The following NPAS3 variants were observed in gnomAD, a reference collection of about 807,000 sequenced individuals.
The protein encoded by NPAS3 is neuronal PAS domain-containing protein 3.
A neutral mutation model predicts 73.1 loss-of-function variants in NPAS3; 14 were observed. The observed-to-expected ratio is 0.19, with a 90% confidence interval of 0.13 to 0.30. The LOEUF is 0.30. Among genes scored for constraint, NPAS3 ranks in the 10% least tolerant of loss-of-function variants. The pLI is 1.00. For missense variants in NPAS3, 1,096 were observed against 1,250.0 expected, an observed-to-expected ratio of 0.88 and a Z score of 1.86; for synonymous variants, 620 against 541.5, an observed-to-expected ratio of 1.14 and a Z score of -2.01.
chr14:33,343,156 A>G (rs2044565061), intron 3 of NPAS3, among the ~76,000 whole-genome samples: 1 of 152,158 alleles, frequency 6.6e-6, no homozygotes, highest in African/African-American at 2.4e-5. Flanking sequence ...TTGCTCAGTA[A>G]TTGAATCCAC....
In NPAS3 at chr14:32,971,088, CT is replaced by C. The variant is rs61429455; in HGVS notation, c.50+31736del. Among the ~76,000 whole-genome samples the C allele has an allele frequency of 3.2e-3, 454 of 142,084 alleles. 1 individual carries two copies. The highest frequency in any genetic ancestry group is 4.6e-3 in the Non-Finnish European group (305 of 65,718). 93.2% of individuals were successfully genotyped at this position (142,084 alleles called of 152,430 possible). On this transcript the variant is annotated intron_variant, in intron 1 of 11. Transcript: ENST00000356141. ...AATGATTTCTGTGTCTTTCTTTTTT[CT>C]TTTTTTTTTTTTTGAGACAGGGTCT...
chr14:33,124,732 TTAAA>T (rs1293612807), intron 2 of NPAS3, among the ~76,000 whole-genome samples: 1 of 152,106 alleles, frequency 6.6e-6, no homozygotes, highest in Non-Finnish European at 1.5e-5. Context: ...AGCAGAATAT[TTAAA>T]TAAGAGGGCA....
At chr14:33,458,193 C>T (rs550326865) in intron 4 of NPAS3, among the ~76,000 whole-genome samples, 183 of 152,284 alleles carry the variant, frequency 1.2e-3, no homozygotes, top group African/African-American at 3.9e-3. Context: ...TCAAAGTATT[C>T]TTTTGTTTTT....
At chr14:33,559,343 G>A (rs764845741) in intron 4 of NPAS3, among the ~76,000 whole-genome samples, 45 of 152,338 alleles carry the variant, frequency 3.0e-4, no homozygotes, top group Non-Finnish European at 4.9e-4. Flanking sequence ...TGGGAGTAAA[G>A]AAGGCATAAT....
At chr14:33,407,912 A>G (rs1048014476) in intron 4 of NPAS3, among the ~76,000 whole-genome samples, 1 of 152,208 alleles carries the variant, frequency 6.6e-6, no homozygotes, top group African/African-American at 2.4e-5. Context: ...ATAGCCTCCA[A>G]TAATTCTCTC....
At chr14:33,640,101 C>T (rs1042189978) in intron 5 of NPAS3, among the ~76,000 whole-genome samples, 1 of 151,926 alleles carries the variant, frequency 6.6e-6, no homozygotes, top group Non-Finnish European at 1.5e-5. Context: ...TCCGTAATCC[C>T]AGCTACTCAG....
chr14:33,212,463 G>A (rs527976156), intron 2 of NPAS3, among the ~76,000 whole-genome samples: 4 of 13,512 alleles, frequency 3.0e-4, no homozygotes, highest in Non-Finnish European at 9.4e-4. Flanking sequence ...CAAGGAGGTA[G>A]GATAAAAAAA....
At chr14:33,454,713 A>C (rs1292445551) in intron 4 of NPAS3, among the ~76,000 whole-genome samples, 2 of 152,150 alleles carry the variant, frequency 1.3e-5, no homozygotes, top group African/African-American at 2.4e-5. Context: ...TTCGGGAAAT[A>C]AACCGGGGAG....
rs577465411 is a variant in NPAS3, at chr14:32,989,325, T to G, written c.50+49959T>G. Among the ~76,000 whole-genome samples the G allele has an allele frequency of 1.9e-3, 290 of 152,134 alleles. 1 individual carries two copies. The highest frequency in any genetic ancestry group is 0.014 in the South Asian group (69 of 4,812). ...AGGTAGTCCTATACAGGAAATGAGG[T>G]TGAAAAGCTATATTTTGAGAAGTTA... On this transcript the variant is annotated intron_variant, in intron 1 of 11. Coordinates refer to ENST00000356141, the Ensembl canonical transcript of NPAS3.
At chr14:32,996,414 A>G (rs532578571) in intron 1 of NPAS3, among the ~76,000 whole-genome samples, 54 of 152,334 alleles carry the variant, frequency 3.5e-4, no homozygotes, top group Middle Eastern at 3.4e-3. Context: ...GTTAATCCCA[A>G]GACAATGGGG....
rs2056867716 is a variant in NPAS3, at chr14:33,586,526, G to A, written c.558+26316G>A. Among the ~76,000 whole-genome samples, 5 of 152,098 alleles carry A rather than the reference G, an allele frequency of 3.3e-5. No individual in the cohort carries two copies. In the South Asian group the frequency reaches 1.0e-3, roughly 32 times the overall value. Reference sequence around the variant, plus strand: ...ACATAATAGTATAAATTTCTAATTAGTTACATGTAAATGCAATTTTAATAA... The same window carrying A: ...ACATAATAGTATAAATTTCTAATTAATTACATGTAAATGCAATTTTAATAA... On this transcript the variant is annotated intron_variant, in intron 5 of 11. Transcript: ENST00000356141.
intron 5 of NPAS3, among the ~76,000 whole-genome samples, chr14:33,657,566 G>T (rs942866747): frequency 6.6e-6 from 1 of 152,078 alleles, no homozygotes; most frequent in African/African-American, 2.4e-5. Context: ...GATGAAAATT[G>T]ATTAGAGAAA....
At chr14:33,452,157 T>C (rs1314808689) in intron 4 of NPAS3, among the ~76,000 whole-genome samples, 1 of 152,118 alleles carries the variant, frequency 6.6e-6, no homozygotes, top group Non-Finnish European at 1.5e-5. Context: ...TGTGAACAAG[T>C]GCATTCAGGC....
chr14:33,714,885 C>A (rs1232676110), intron 6 of NPAS3, among the ~76,000 whole-genome samples: 2 of 152,100 alleles, frequency 1.3e-5, no homozygotes, highest in African/African-American at 4.8e-5. Context: ...TTCTGATGTA[C>A]AAAGTGATGC....
At chr14:33,781,628 C>A (rs7145269) in intron 9 of NPAS3, among the ~76,000 whole-genome samples, 2,274 of 152,274 alleles carry the variant, frequency 0.015, 59 homozygotes, top group African/African-American at 0.051. Context: ...AAATAAACCA[C>A]ATTAACTATT....
At chr14:33,366,522 A>G (rs1258690353) in intron 3 of NPAS3, among the ~76,000 whole-genome samples, 1 of 152,172 alleles carries the variant, frequency 6.6e-6, no homozygotes, top group African/African-American at 2.4e-5. Context: ...GATAAGAAAC[A>G]GTCACTGACC....
intron 3 of NPAS3, among the ~76,000 whole-genome samples, chr14:33,311,884 G>A (rs910551349): frequency 6.6e-6 from 1 of 152,132 alleles, no homozygotes; most frequent in Non-Finnish European, 1.5e-5. Flanking sequence ...TCATCAGAAA[G>A]AGAGGAAAGG....
At position 33,095,124 on chromosome 14, in the gene NPAS3, T is replaced by C. The variant is rs538149820; in HGVS notation, c.140+39130T>C. 1.3e-3 allele frequency among the ~76,000 whole-genome samples: 193 copies of C among 152,342 alleles called. No individual in the cohort carries two copies. The Middle Eastern group carries it at 0.014, about 11-fold the overall frequency. On this transcript the variant is annotated intron_variant, in intron 2 of 11. Coordinates refer to ENST00000356141, the Ensembl canonical transcript of NPAS3. ...ACCATCAAAGTGACATTTAAAAATA[T>C]TGCTAGTCTGACTTTACAGTCCTCG...
chr14:33,515,295 G>A (rs2053244328), intron 4 of NPAS3, among the ~76,000 whole-genome samples: 1 of 152,066 alleles, frequency 6.6e-6, no homozygotes, highest in South Asian at 2.1e-4. Flanking sequence ...GAATGAGTAA[G>A]AGTGGCATTA....
Sources: allele counts gnomAD v4.1 joint callset (sites outside exome capture counted in the v4.1 genomes callset), GRCh38; gene constraint gnomAD v4.1.1; transcripts MANE v1.5; gene names NCBI Gene and HGNC (gene_info 2026-07-23, HGNC 2026-07-21).